Variants in NIPBL observed in about 807,000 individuals in gnomAD.
NIPBL encodes NIPBL cohesin loading factor, also known as nipped-B-like protein.
In NIPBL, 19 loss-of-function variants were observed where a neutral mutation model predicts 321.8. That is an observed-to-expected ratio of 0.06 (90% CI 0.04 to 0.09). The LOEUF (loss-of-function observed/expected upper bound fraction) is 0.09, where lower values mean the gene tolerates loss of function less well. NIPBL is among the 10% of genes least tolerant of loss of function. NIPBL has a pLI of 1.00. For synonymous variants in NIPBL, 1,106 were observed against 1,114.1 expected, an observed-to-expected ratio of 0.99 and a Z score of 0.14; for missense variants, 2,210 against 3,327.0, an observed-to-expected ratio of 0.66 and a Z score of 8.26.
chr5:36,880,842 A>G (rs1745448655), intron 1 of NIPBL, among the ~76,000 whole-genome samples: 1 of 152,090 alleles, frequency 6.6e-6, no homozygotes, highest in African/African-American at 2.4e-5. Flanking sequence ...CTGTGAGAGA[A>G]GTGACCAGCT....
At chr5:37,035,980 T>G (rs1270956588) in intron 32 of NIPBL, among the ~76,000 whole-genome samples, 1 of 152,158 alleles carries the variant, frequency 6.6e-6, no homozygotes, top group Non-Finnish European at 1.5e-5. Context: ...CCTTTTAAGG[T>G]GCAATTCAGA....
At chr5:36,991,583 TTACATAA>T (rs1745520385) in intron 10 of NIPBL, among the ~76,000 whole-genome samples, 1 of 152,090 alleles carries the variant, frequency 6.6e-6, no homozygotes, top group South Asian at 2.1e-4. Context: ...AAGTTGTTAC[TTACATAA>T]TGAGTAGTAA....
At chr5:37,036,875 G>A (rs1457397898) in intron 33 of NIPBL, among the ~76,000 whole-genome samples, 2 of 151,558 alleles carry the variant, frequency 1.3e-5, no homozygotes, top group Non-Finnish European at 2.9e-5. Context: ...AATTGTTTTA[G>A]CTATTATAAA....
chr5:36,990,089 G>A (rs916163080), intron 10 of NIPBL, among the ~76,000 whole-genome samples: 21 of 151,792 alleles, frequency 1.4e-4, no homozygotes, highest in South Asian at 4.2e-4. Flanking sequence ...AGAAATATCC[G>A]TATTATTTGT....
Position 36,996,508 on chromosome 5 carries a change from C to T in NIPBL, c.3304+704C>T, listed in dbSNP as rs1224624766. On this transcript the variant is annotated intron_variant, in intron 11 of 46. Transcript: ENST00000282516. This position sits in a 1 kb window ranked among gnomAD's most constrained non-coding sequence, Gnocchi z 5.0. Reference sequence around the variant, plus strand: ...TCACTACACAGCTACCTCTCTACAACACTGTGATCACCTGTCTTTGCACTA... The same window carrying T: ...TCACTACACAGCTACCTCTCTACAATACTGTGATCACCTGTCTTTGCACTA... 4.4e-6 allele frequency: 2 copies of T among 456,552 alleles called. No homozygotes were observed. Among genetic ancestry groups the T allele is most frequent in the African/African-American group, 4.0e-5 (2 of 50,072 alleles). 28.3% of individuals were successfully genotyped at this position (456,552 alleles called of 1,614,324 possible).
intron 1 of NIPBL, among the ~76,000 whole-genome samples, chr5:36,935,455 T>G (rs953142099): frequency 6.6e-6 from 1 of 152,128 alleles, no homozygotes; most frequent in Non-Finnish European, 1.5e-5. Flanking sequence ...AGTCTAGTGA[T>G]CAGTTCTCAG....
intron 1 of NIPBL, chr5:36,885,159 G>C (rs1745796462): frequency 2.1e-6 from 1 of 477,970 alleles, no homozygotes; most frequent in Admixed American, 2.4e-5. Context: ...GCTATTCAGG[G>C]TCAGCAAAGC....
In NIPBL at chr5:36,920,226, A is replaced by G. The variant is rs114181460; in HGVS notation, c.-79-33392A>G. 9.8e-3 allele frequency among the ~76,000 whole-genome samples: 1,491 copies of G among 152,294 alleles called. 33 individuals are homozygous for G. Among genetic ancestry groups the G allele is most frequent in the African/African-American group, 0.035 (1,443 of 41,568 alleles). Reference sequence around the variant, plus strand: ...GAAAGCATAAATTGATGATGACAGAACTTGTAACGCATTTAGATTTGTGTC... The same window carrying G: ...GAAAGCATAAATTGATGATGACAGAGCTTGTAACGCATTTAGATTTGTGTC... On this transcript the variant is annotated intron_variant, in intron 1 of 46. Transcript: ENST00000282516.
chr5:36,969,988 A>AT (rs1394211645), intron 6 of NIPBL, among the ~76,000 whole-genome samples: 1 of 152,320 alleles, frequency 6.6e-6, no homozygotes, highest in East Asian at 1.9e-4. Context: ...ACATTGCAGC[A>AT]TTGTTTATGG....
chr5:36,911,265 G>C (rs377117010), intron 1 of NIPBL, among the ~76,000 whole-genome samples: 10 of 152,184 alleles, frequency 6.6e-5, no homozygotes, highest in African/African-American at 2.4e-4. Flanking sequence ...TTGAGAATCA[G>C]TTTTAATGAG....
intron 1 of NIPBL, among the ~76,000 whole-genome samples, chr5:36,933,523 G>A (rs978113869): frequency 1.2e-4 from 18 of 152,088 alleles, no homozygotes; most frequent in Non-Finnish European, 2.2e-4. Flanking sequence ...AATTTGATCC[G>A]ATTTCAGGAA....
Position 37,007,660 on chromosome 5 carries a change from A to G in NIPBL, c.4239+186A>G, listed in dbSNP as rs376390241. Among the ~76,000 whole-genome samples, 12 of 152,118 alleles carry G rather than the reference A, an allele frequency of 7.9e-5. No individual in the cohort carries two copies. In the East Asian group the frequency reaches 9.6e-4, roughly 12 times the overall value. On this transcript the variant is annotated intron_variant, in intron 18 of 46. Transcript: ENST00000282516. ...TAAAAAGACATTTTATCAGGAGACA[A>G]ACAAATGTAGTGTAAATTCCAAACT...
chr5:37,000,771 T>C (rs1316700689), intron 12 of NIPBL, 46 bp from the exon 13 acceptor site: 1 of 1,500,744 alleles, frequency 6.7e-7, no homozygotes, highest in African/African-American at 1.4e-5. Context: ...GGAATTATTT[T>C]AAGTTGTCAG....
chr5:36,924,345 G>A (rs1380329973), intron 1 of NIPBL, among the ~76,000 whole-genome samples: 1 of 152,082 alleles, frequency 6.6e-6, no homozygotes, highest in East Asian at 1.9e-4. Flanking sequence ...AAATAGTTTT[G>A]TAGCTTGTCA....
chr5:36,939,437 AT>A (rs1738820871), intron 1 of NIPBL, among the ~76,000 whole-genome samples: 1 of 152,098 alleles, frequency 6.6e-6, no homozygotes, highest in Non-Finnish European at 1.5e-5. Context: ...ACTTAGTGTA[AT>A]TTCCTTTATA....
chr5:36,986,082 A>G lies in NIPBL; in HGVS notation c.2902A>G (p.Asn968Asp), dbSNP rs759781764. 2.5e-5 allele frequency: 41 copies of G among 1,613,890 alleles called. 1 individual carries two copies. The South Asian group carries it at 4.3e-4, about 17-fold the overall frequency. The change falls in exon 10 of 47, where the codon AAT becomes GAT. Residue 968 changes from asparagine to aspartate, a missense_variant. Coordinates refer to ENST00000282516, the MANE Select transcript of NIPBL (RefSeq NM_133433.4). ...GAAAATCAAGAGGGATAAAGATGGC[A>G]ATGTTACTCAGGAGACAAAGAAAAT... ...IPKIKRDKDG[N>D]VTQETKKMEM...
At chr5:36,910,383 G>A (rs1356472577) in intron 1 of NIPBL, among the ~76,000 whole-genome samples, 2 of 152,068 alleles carry the variant, frequency 1.3e-5, no homozygotes, top group African/African-American at 2.4e-5. Context: ...AACTAATGGG[G>A]CAATAAGCAG....
chr5:36,961,761 T>C (rs756015213), intron 5 of NIPBL, among the ~76,000 whole-genome samples, 178 bp downstream of exon 5: 1 of 152,228 alleles, frequency 6.6e-6, no homozygotes, highest in East Asian at 1.9e-4. Context: ...TAGTCTGATA[T>C]GCTAATTGAA....
intron 1 of NIPBL, among the ~76,000 whole-genome samples, chr5:36,951,981 A>G (rs16903419): frequency 0.12 from 17,045 of 146,598 alleles, 1,052 homozygotes; most frequent in Admixed American, 0.18. Flanking sequence ...CTTTTGGATG[A>G]TGATTCTATG....
Sources: gnomAD v4.1 joint callset for allele counts (sites outside exome capture counted in the v4.1 genomes callset) on GRCh38, gnomAD v4.1.1 for gene constraint, Gnocchi (gnomAD v3.1) non-coding constraint, MANE v1.5 for transcripts, NCBI Gene and HGNC (gene_info 2026-07-23, HGNC 2026-07-21) for gene names.